Variants in DTNA observed in about 807,000 individuals in gnomAD.
DTNA encodes dystrophin-related protein 3.
DTNA carries 43 observed loss-of-function variants against 100.7 expected under a neutral mutation model. The ratio of observed to expected loss-of-function variants is 0.43; its 90% CI spans 0.33 to 0.55. The LOEUF is 0.55. Among genes scored for constraint, DTNA ranks in the 20% least tolerant of loss-of-function variants. The pLI is 0.04. For missense variants in DTNA, 798 were observed against 953.9 expected (o/e 0.84, Z 2.15); for synonymous variants, 349 against 347.9 (o/e 1.00, Z -0.04).
chr18:34,747,168 C>CT (rs2091739414), intron 1 of DTNA, among the ~76,000 whole-genome samples: 1 of 151,044 alleles, frequency 6.6e-6, no homozygotes, highest in South Asian at 2.1e-4. Flanking sequence ...TATCTTCTCC[C>CT]TTGGCTCAAA....
At chr18:34,711,325 T>A (rs1327737100) in intron 1 of DTNA, among the ~76,000 whole-genome samples, 1 of 150,474 alleles carries the variant, frequency 6.6e-6, no homozygotes, top group Non-Finnish European at 1.5e-5. Flanking sequence ...AATTACTTTT[T>A]CATGGCTTTT....
intron 1 of DTNA, among the ~76,000 whole-genome samples, chr18:34,615,627 T>C (rs2055111374): frequency 6.6e-6 from 1 of 152,176 alleles, no homozygotes; most frequent in Non-Finnish European, 1.5e-5. Context: ...ACATTGCATG[T>C]CACGGGGGTT....
intron 1 of DTNA, among the ~76,000 whole-genome samples, chr18:34,603,524 C>T (rs371616785): frequency 1.1e-4 from 16 of 151,198 alleles, no homozygotes; most frequent in Middle Eastern, 3.4e-3. Flanking sequence ...TCACCTTTTT[C>T]GGTTTTCATT....
At chr18:34,563,012 G>A (rs1448917805) in intron 1 of DTNA, among the ~76,000 whole-genome samples, 2 of 152,132 alleles carry the variant, frequency 1.3e-5, no homozygotes, top group East Asian at 1.9e-4. Flanking sequence ...AATGAGTTAC[G>A]GCGTGAATTT....
At chr18:34,814,703 A>C (rs1388077268) in intron 6 of DTNA, among the ~76,000 whole-genome samples, 7 of 152,122 alleles carry the variant, frequency 4.6e-5, no homozygotes, top group Admixed American at 1.3e-4. Context: ...AAAAGAAAAA[A>C]AAAAGAGAAA....
intron 9 of DTNA, among the ~76,000 whole-genome samples, chr18:34,823,351 C>A (rs963875718): frequency 6.6e-6 from 1 of 152,120 alleles, no homozygotes; most frequent in Admixed American, 6.5e-5. Context: ...ATAAATTAGA[C>A]AAAAATATAT....
chr18:34,630,811 CA>C (rs35759338), intron 1 of DTNA, among the ~76,000 whole-genome samples: 51 of 142,790 alleles, frequency 3.6e-4, no homozygotes, highest in East Asian at 1.2e-3. Context: ...GCCAAACTGT[CA>C]AAAAAAAAAG....
At chr18:34,762,568 G>C (rs1428596520) in intron 2 of DTNA, among the ~76,000 whole-genome samples, 1 of 152,186 alleles carries the variant, frequency 6.6e-6, no homozygotes, top group African/African-American at 2.4e-5. Context: ...TTCATTGTTT[G>C]CTGGGGCAAA....
At chr18:34,659,390 TC>T (rs2074849617) in intron 1 of DTNA, among the ~76,000 whole-genome samples, 1 of 151,990 alleles carries the variant, frequency 6.6e-6, no homozygotes. Context: ...ATTTTACACT[TC>T]CAACACATCT....
intron 3 of DTNA, among the ~76,000 whole-genome samples, chr18:34,788,150 G>A (rs67718004): frequency 0.15 from 22,725 of 152,090 alleles, 2,081 homozygotes; most frequent in African/African-American, 0.26. Flanking sequence ...GTGGTTCATA[G>A]TCATTATTAC....
intron 1 of DTNA, among the ~76,000 whole-genome samples, chr18:34,527,848 G>A (rs549377463): frequency 1.3e-5 from 2 of 151,954 alleles, no homozygotes; most frequent in Non-Finnish European, 2.9e-5. Context: ...GCTTGAACCC[G>A]TATCAAGCTC....
At chr18:34,624,857 CT>C (rs2057084917) in intron 1 of DTNA, among the ~76,000 whole-genome samples, 1 of 151,966 alleles carries the variant, frequency 6.6e-6, no homozygotes, top group African/African-American at 2.4e-5. Context: ...GTTGGGGACA[CT>C]TTTTTTCATT....
intron 1 of DTNA, among the ~76,000 whole-genome samples, chr18:34,603,173 T>C (rs2052317483): frequency 6.6e-6 from 1 of 151,528 alleles, no homozygotes; most frequent in Non-Finnish European, 1.5e-5. Context: ...TTTGTGCCAC[T>C]GCTCCCCAGC....
chr18:34,675,470 G>A (rs1043994319), intron 1 of DTNA, among the ~76,000 whole-genome samples: 8 of 152,002 alleles, frequency 5.3e-5, no homozygotes, highest in Non-Finnish European at 1.0e-4. Context: ...AAATAATCAT[G>A]AATTCTTCAG....
intron 4 of DTNA, among the ~76,000 whole-genome samples, chr18:34,802,457 G>A (rs2095248342): frequency 6.6e-6 from 1 of 152,164 alleles, no homozygotes; most frequent in Admixed American, 6.5e-5. Flanking sequence ...AATCAAACTG[G>A]TCCCAACTAA....
chr18:34,687,504 G>A (rs1362174611), intron 1 of DTNA, among the ~76,000 whole-genome samples: 4 of 152,304 alleles, frequency 2.6e-5, no homozygotes, highest in Admixed American at 2.0e-4. Flanking sequence ...TGGTCTGAGA[G>A]ACTGTTTGTT....
intron 1 of DTNA, among the ~76,000 whole-genome samples, chr18:34,510,099 TTTGG>T (rs1301874295): frequency 1.3e-5 from 1 of 75,646 alleles, no homozygotes. Flanking sequence ...GTGTGGTTTT[TTTGG>T]TTGTTGTTGT....
intron 17 of DTNA, among the ~76,000 whole-genome samples, chr18:34,865,769 A>G (rs936681579): frequency 2.4e-4 from 37 of 152,166 alleles, no homozygotes; most frequent in Admixed American, 2.0e-4. Flanking sequence ...TTCTGTCACC[A>G]TTAGCTATGA....
chr18:34,600,211 T>C (rs1345408532), intron 1 of DTNA, among the ~76,000 whole-genome samples: 1 of 152,176 alleles, frequency 6.6e-6, no homozygotes, highest in African/African-American at 2.4e-5. Flanking sequence ...GTCAAATGTG[T>C]ATTTTTTATT....
Sources: allele counts gnomAD v4.1 joint callset (sites outside exome capture counted in the v4.1 genomes callset), GRCh38; gene constraint gnomAD v4.1.1; transcripts MANE v1.5; gene names NCBI Gene and HGNC (gene_info 2026-07-23, HGNC 2026-07-21).